Variants in WDR27 observed in about 807,000 individuals in gnomAD.
The protein encoded by WDR27 is WD repeat domain 27, also known as WD repeat-containing protein 27.
In WDR27, 100 loss-of-function variants were observed where a neutral mutation model predicts 114.4. The observed-to-expected ratio is 0.87, with a 90% CI of 0.74 to 1.03. The LOEUF is 1.03. Among genes scored for constraint, WDR27 ranks in the 50% least tolerant of loss-of-function variants. The pLI, the probability that WDR27 is intolerant of heterozygous loss-of-function variation, is 0.00. For missense variants in WDR27, 1,129 were observed against 1,092.9 expected (o/e 1.03, Z -0.47); for synonymous variants, 449 against 423.1 (o/e 1.06, Z -0.75).
At chr6:169,537,371 G>A (rs543040849) in intron 25 of WDR27, among the ~76,000 whole-genome samples, 5 of 152,300 alleles carry the variant, frequency 3.3e-5, no homozygotes, top group African/African-American at 1.2e-4. Flanking sequence ...TTTAAATTGG[G>A]TGGTCAGAGA....
chr6:169,550,536 C>T (rs1273979503), intron 25 of WDR27, among the ~76,000 whole-genome samples: 1 of 151,938 alleles, frequency 6.6e-6, no homozygotes, highest in Non-Finnish European at 1.5e-5. Context: ...TCTCCTGCCT[C>T]AGCCACCTGA....
At chr6:169,476,533 C>T (rs2115357574) in intron 25 of WDR27, among the ~76,000 whole-genome samples, 1 of 152,258 alleles carries the variant, frequency 6.6e-6, no homozygotes, top group East Asian at 1.9e-4. Flanking sequence ...TCGTGTTGGC[C>T]CCCTGGACCC....
chr6:169,652,108 A>G (rs1038648479), intron 13 of WDR27, 100 bp from the exon 14 acceptor site: 32 of 1,029,064 alleles, frequency 3.1e-5, no homozygotes, highest in South Asian at 2.5e-4. Context: ...AAACATTCAC[A>G]CAAACAGAAT....
rs1788072064 is a variant in WDR27, at chr6:169,701,560, T to C, written c.-17A>G. ...TAATTAAAATAACCACCTGAGCCCT[T>C]TTCCTCCGAACTCCACATGCGCTCA... On this transcript the variant is annotated 5_prime_UTR_variant, in exon 1 of 26. Transcript: ENST00000448612. 8.8e-5 allele frequency: 14 copies of C among 159,622 alleles called. No individual in the cohort carries two copies. In the Admixed American group the frequency reaches 8.8e-4, roughly 10 times the overall value. The allele number at this position is 159,622 out of a possible 1,614,324, so 9.9% of individuals were successfully genotyped here.
At chr6:169,627,919 C>T (rs762723730) in intron 21 of WDR27, among the ~76,000 whole-genome samples, 5 of 152,128 alleles carry the variant, frequency 3.3e-5, no homozygotes, top group East Asian at 3.9e-4. Context: ...GGAAAGGCCA[C>T]GGCGTTCCAG....
intron 3 of WDR27, 85 bp from the exon 4 acceptor site, chr6:169,670,778 CTCTAT>C (rs1180656697): frequency 3.4e-5 from 51 of 1,505,752 alleles, no homozygotes; most frequent in Non-Finnish European, 4.4e-5. Context: ...GAATGTAACC[CTCTAT>C]TCTAAAATTA....
At chr6:169,447,019 C>T in the WDR27 span, among the ~76,000 whole-genome samples, 2 of 152,100 alleles carry the variant, frequency 1.3e-5, no homozygotes, top group Admixed American at 6.5e-5. Context: ...CATTGAAAAA[C>T]GTAGTTGAAA....
intron 25 of WDR27, among the ~76,000 whole-genome samples, chr6:169,518,229 C>T (rs1408908321): frequency 6.6e-6 from 1 of 152,242 alleles, no homozygotes; most frequent in East Asian, 1.9e-4. Flanking sequence ...CCCATTCCCA[C>T]AGCTCCACTA....
intron 25 of WDR27, among the ~76,000 whole-genome samples, chr6:169,510,891 A>G (rs1395251823): frequency 6.6e-6 from 1 of 152,224 alleles, no homozygotes; most frequent in Non-Finnish European, 1.5e-5. Context: ...ACTATTTCTT[A>G]GTGAATTCAA....
At position 169,652,000 on chromosome 6, in the gene WDR27, T is replaced by C; in HGVS notation, c.1411A>G (p.Asn471Asp). Residue 471 changes from asparagine to aspartate, a missense_variant, in exon 14 of 26, where the codon AAC becomes GAC. Asn to Asp is a conservative substitution (Grantham distance 23). Coordinates refer to ENST00000448612, the MANE Select transcript of WDR27 (RefSeq NM_182552.5). ...AASEQRRAAR[N>D]VMKDQRLVFH... ...ACCAGGCGTTGGTCCTTCATGACGTTCCGTGCAGCTGTGGAAAGGCAATTT... is the reference window on the plus strand; with the variant it reads ...ACCAGGCGTTGGTCCTTCATGACGTCCCGTGCAGCTGTGGAAAGGCAATTT... 1 of 1,613,784 alleles carries C rather than the reference T, an allele frequency of 6.2e-7. No homozygotes were observed. The highest frequency in any genetic ancestry group is 8.5e-7 in the Non-Finnish European group (1 of 1,179,846).
At chr6:169,580,130 G>T (rs1803128942) in intron 24 of WDR27, among the ~76,000 whole-genome samples, 1 of 152,196 alleles carries the variant, frequency 6.6e-6, no homozygotes, top group Admixed American at 6.5e-5. Flanking sequence ...GACCACACTT[G>T]TTCCCATGTT....
chr6:169,502,342 G>A (rs570881641), intron 25 of WDR27, among the ~76,000 whole-genome samples: 4 of 152,340 alleles, frequency 2.6e-5, no homozygotes, highest in East Asian at 3.9e-4. Context: ...GCGATGTGGC[G>A]TTCCGTACAC....
intron 25 of WDR27, among the ~76,000 whole-genome samples, chr6:169,523,538 C>T (rs928968607): frequency 1.3e-5 from 2 of 152,096 alleles, no homozygotes; most frequent in Admixed American, 6.5e-5. Context: ...TGAAAATCCT[C>T]AGCAACACAC....
chr6:169,680,508 G>A (rs1474759819), intron 2 of WDR27, among the ~76,000 whole-genome samples: 1 of 152,148 alleles, frequency 6.6e-6, no homozygotes, highest in Non-Finnish European at 1.5e-5. Context: ...CGTGAACCCG[G>A]GAGGCGGAGC....
At chr6:169,636,638 C>A in intron 18 of WDR27, 134 bp from the exon 19 acceptor site, 1 of 842,108 alleles carries the variant, frequency 1.2e-6, no homozygotes, top group Admixed American at 3.6e-5. Context: ...TTTGTTAGAC[C>A]CAATCTACAA....
At chr6:169,480,676 G>A (rs992892767) in intron 25 of WDR27, among the ~76,000 whole-genome samples, 1 of 152,156 alleles carries the variant, frequency 6.6e-6, no homozygotes, top group Middle Eastern at 3.4e-3. Context: ...GATTGTAAAT[G>A]CACCAATCAG....
Position 169,473,338 on chromosome 6 carries a change from C to T in WDR27, c.2646-15704G>A, listed in dbSNP as rs1161415755. Among the ~76,000 whole-genome samples the T allele has an allele frequency of 5.9e-5, 9 of 152,244 alleles. 1 individual carries two copies. In the Middle Eastern group the frequency reaches 0.014, roughly 230 times the overall value. ...GACAAAAGGGAAGGAGGCTCAGTTT[C>T]GGTTTCCTGTGGAACTCAATGAACT... On this transcript the variant is annotated intron_variant, in intron 25 of 25. Coordinates refer to ENST00000448612, the MANE Select transcript of WDR27 (RefSeq NM_182552.5).
At chr6:169,540,452 G>A (rs144107476) in intron 25 of WDR27, among the ~76,000 whole-genome samples, 2,449 of 150,196 alleles carry the variant, frequency 0.016, 63 homozygotes, top group African/African-American at 0.057. Context: ...TTTCTTTAGA[G>A]GGAGTCTGGC....
At chr6:169,428,054 T>C in the WDR27 span, among the ~76,000 whole-genome samples, 1 of 152,170 alleles carries the variant, frequency 6.6e-6, no homozygotes, top group Non-Finnish European at 1.5e-5. Flanking sequence ...CGTCTCCACT[T>C]TCAATCTCCG....
Sources: gnomAD v4.1 joint callset for allele counts (sites outside exome capture counted in the v4.1 genomes callset) on GRCh38, gnomAD v4.1.1 for gene constraint, MANE v1.5 for transcripts, NCBI Gene and HGNC (gene_info 2026-07-23, HGNC 2026-07-21) for gene names.